Variants in CASP10 observed in about 807,000 individuals in gnomAD.
CASP10 encodes the protein caspase-10.
CASP10 carries 41 observed loss-of-function variants against 48.5 expected under a neutral mutation model. The observed-to-expected ratio is 0.85, with a 90% confidence interval of 0.66 to 1.10. The LOEUF (loss-of-function observed/expected upper bound fraction) is 1.10. Ranked by LOEUF, CASP10 falls within the 50% of genes least tolerant of loss-of-function variation. The pLI is 0.00. For synonymous variants in CASP10, 232 were observed against 238.4 expected (o/e 0.97, Z 0.25); for missense variants, 614 against 614.5 (o/e 1.00, Z 0.01).
chr2:201,205,822 C>A, intron 6 of CASP10, 60 bp from the exon 7 acceptor site: 3 of 1,014,770 alleles, frequency 3.0e-6, no homozygotes, highest in Non-Finnish European at 4.7e-6. Flanking sequence ...CGAAAATTAT[C>A]AGTGAAGAAA....
At chr2:201,208,210 A>T in intron 8 of CASP10, 27 bp downstream of exon 8, 1 of 1,592,130 alleles carries the variant, frequency 6.3e-7, no homozygotes, top group East Asian at 2.2e-5. Context: ...CAGTTTATCA[A>T]ATGCAAATTG....
Position 201,209,414 on chromosome 2 carries a change from C to T in CASP10, c.1267C>T (p.Pro423Ser), listed in dbSNP as rs374332152. The T allele has an allele frequency of 1.2e-6, 2 of 1,614,018 alleles. No homozygotes were observed. Among genetic ancestry groups the T allele is most frequent in the African/African-American group, 2.7e-5 (2 of 74,906 alleles). The change falls in exon 9 of 10, where the codon CCC becomes TCC. Residue 423 changes from proline to serine, a missense_variant. By Grantham distance (74) the Pro-to-Ser change is moderately conservative. Coordinates refer to ENST00000286186, the MANE Select transcript of CASP10 (RefSeq NM_032977.4). Reference protein sequence around the residue: ...EADALNPEQAPTSLQDSIPAE... With the variant: ...EADALNPEQASTSLQDSIPAE... The stretch of plus-strand genomic sequence containing the variant: ...AGATGCTCTGAACCCTGAGCAGGCA[C>T]CCACTTCCCTGCAGGACAGTATTCC...
intron 3 of CASP10, 140 bp from the exon 4 acceptor site, chr2:201,192,843 AT>A (rs1318815137): frequency 7.5e-6 from 6 of 795,316 alleles, no homozygotes; most frequent in African/African-American, 1.7e-5. Flanking sequence ...CTTCCCCTAC[AT>A]TCCTGAGCAA....
In CASP10 at chr2:201,228,628, A is replaced by G. The variant is rs13406910; in HGVS notation, c.1416-305A>G. ...CAGAAAATCAAGGCCCAGAGAAACT[A>G]AGTAGTCTTGGAGATAGGAGCCATG... On this transcript the variant is annotated intron_variant, in intron 9 of 9. Coordinates refer to the CASP10 transcript ENST00000272879. Among the ~76,000 whole-genome samples the G allele has an allele frequency of 0.06, 9,202 of 152,278 alleles. 911 individuals carry two copies. Among genetic ancestry groups the G allele is most frequent in the African/African-American group, 0.21 (8,684 of 41,530 alleles).
chr2:201,200,997 T>C (rs556309133), intron 5 of CASP10, among the ~76,000 whole-genome samples: 6 of 152,230 alleles, frequency 3.9e-5, no homozygotes, highest in Admixed American at 1.3e-4. Context: ...CAGCTTTGTT[T>C]AGAGAGTTGC....
chr2:201,219,778 T>C lies in CASP10; in HGVS notation c.*2037T>C. Reference sequence around the variant, plus strand: ...ATTCCTGGAACTGTATTTTGAATCCTTAAAGGTGAGCCCTCATAGGGAGAT... The same window carrying C: ...ATTCCTGGAACTGTATTTTGAATCCCTAAAGGTGAGCCCTCATAGGGAGAT... On this transcript the variant is annotated 3_prime_UTR_variant, in exon 10 of 10. Coordinates refer to ENST00000286186, the MANE Select transcript of CASP10 (RefSeq NM_032977.4). 1 of 984,036 alleles carries C rather than the reference T, an allele frequency of 1.0e-6. No individual in the cohort carries two copies. Among genetic ancestry groups the C allele is most frequent in the Non-Finnish European group, 1.2e-6 (1 of 829,622 alleles). The allele number at this position is 984,036 out of a possible 1,614,324, so 61.0% of individuals were successfully genotyped here.
chr2:201,208,177 G>GA lies in CASP10; in HGVS notation c.917dup (p.Asp306GlufsTer3), dbSNP rs769651296. The GA allele has an allele frequency of 9.9e-6, 16 of 1,612,488 alleles. 1 individual carries two copies. The South Asian group carries it at 1.8e-4, about 18-fold the overall frequency. On this transcript the variant is annotated frameshift_variant, in exon 8 of 10. Coordinates refer to ENST00000286186, the MANE Select transcript of CASP10 (RefSeq NM_032977.4). LOFTEE classifies it high-confidence loss of function. ...GAAGGACAGACAAGGAACCCATAAA[G>GA]ATGCTGGTAAGAAAGTCTGGAACAG...
intron 5 of CASP10, among the ~76,000 whole-genome samples, chr2:201,202,088 G>A (rs1214155007): frequency 1.3e-5 from 2 of 151,932 alleles, no homozygotes; most frequent in Admixed American, 6.6e-5. Context: ...CTGACCTCAG[G>A]TGATCCACCT....
chr2:201,197,469 G>T (rs78828999), intron 5 of CASP10, among the ~76,000 whole-genome samples: 1 of 152,164 alleles, frequency 6.6e-6, no homozygotes, highest in Non-Finnish European at 1.5e-5. Flanking sequence ...ACCAAAATTA[G>T]CTGGGCGTGG....
exon 10 of CASP10, chr2:201,228,983 C>G (rs747059297): frequency 6.2e-7 from 1 of 1,614,082 alleles, no homozygotes; most frequent in Admixed American, 1.7e-5. Flanking sequence ...AGGAAGAGAA[C>G]AGTGTGGGGT....
Position 201,208,200 on chromosome 2 carries a change from C to T in CASP10, c.922+17C>T, listed in dbSNP as rs760814428. On this transcript the variant is annotated intron_variant, in intron 8 of 9. Coordinates refer to ENST00000286186, the MANE Select transcript of CASP10 (RefSeq NM_032977.4). ...AAGATGCTGGTAAGAAAGTCTGGAA[C>T]AGTTTATCAAATGCAAATTGGGGAT... 1 of 1,595,178 alleles carries T rather than the reference C, an allele frequency of 6.3e-7. No homozygotes were observed. Among genetic ancestry groups the T allele is most frequent in the East Asian group, 2.2e-5 (1 of 44,760 alleles).
chr2:201,201,125 A>G lies in CASP10; in HGVS notation c.685-2605A>G, dbSNP rs41487752. ...CAGGCTGGAGTGCAATCTCAGCTCA[A>G]TGCAACCTCAGCCTCCCGGGTTCAA... On this transcript the variant is annotated intron_variant, in intron 5 of 9. Transcript: ENST00000286186. Among the ~76,000 whole-genome samples, 878 of 152,070 alleles carry G rather than the reference A, an allele frequency of 5.8e-3. 8 individuals are homozygous for G. Among genetic ancestry groups the G allele is most frequent in the African/African-American group, 0.019 (805 of 41,490 alleles).
rs147066848 is a variant in CASP10 at position 201,187,922 on chromosome 2, G to A, written c.441+123G>A. ...GGAGACAGTATCATACAATGGTTAC[G>A]AACATTGGCTTTGGTGCTGGATGAG... is the stretch of plus-strand genomic sequence containing the variant. On this transcript the variant is annotated intron_variant, in intron 3 of 9. Transcript: ENST00000286186. 7.8e-4 allele frequency: 592 copies of A among 756,266 alleles called. 3 individuals carry two copies. The East Asian group carries it at 0.015, about 19-fold the overall frequency. The allele number at this position is 756,266 out of a possible 1,614,324, so 46.8% of individuals were successfully genotyped here. A position where few individuals can be genotyped will look rare whatever the true frequency, so the allele number is the denominator to read the frequency against.
At chr2:201,229,048 C>G in exon 10 of CASP10, 1 of 1,614,208 alleles carries the variant, frequency 6.2e-7, no homozygotes, top group Non-Finnish European at 8.5e-7. Flanking sequence ...GCAGACACCT[C>G]GACCCCCCAT....
At chr2:201,228,892 T>G in intron 9 of CASP10, 2 of 1,602,240 alleles carry the variant, frequency 1.2e-6, no homozygotes, top group Non-Finnish European at 1.7e-6. Flanking sequence ...GAAAAACCAC[T>G]CAGTCAAAGT....
intron 3 of CASP10, among the ~76,000 whole-genome samples, chr2:201,189,660 A>G (rs562007359): frequency 6.6e-6 from 1 of 152,244 alleles, no homozygotes; most frequent in South Asian, 2.1e-4. Context: ...GGATTTAAAC[A>G]TATGTGAGGT....
In CASP10 at chr2:201,193,177, G is replaced by A. The variant is rs1944670800; in HGVS notation, c.577+58G>A. ...ACCATGGAAATTCTTAAACCAATTG[G>A]CCATGCATGATGTTTTGATTATTTG... On this transcript the variant is annotated intron_variant, in intron 4 of 9. Coordinates refer to ENST00000286186, the MANE Select transcript of CASP10 (RefSeq NM_032977.4). 4.6e-6 allele frequency: 7 copies of A among 1,530,020 alleles called. No homozygotes were observed. The Admixed American group carries it at 1.0e-4, about 22-fold the overall frequency. The allele number at this position is 1,530,020 out of a possible 1,614,324, so 94.8% of individuals were successfully genotyped here. A position where few individuals can be genotyped will look rare whatever the true frequency, so the allele number is the denominator to read the frequency against.
In CASP10 at chr2:201,219,253, G is replaced by A. The variant is rs762716655; in HGVS notation, c.*1512G>A. 3.7e-5 allele frequency: 8 copies of A among 215,272 alleles called. No individual in the cohort carries two copies. Among genetic ancestry groups the A allele is most frequent in the Non-Finnish European group, 6.4e-5 (8 of 125,872 alleles). 13.3% of individuals were successfully genotyped at this position (215,272 alleles called of 1,614,324 possible). A position where few individuals can be genotyped will look rare whatever the true frequency, so the allele number is the denominator to read the frequency against. On this transcript the variant is annotated 3_prime_UTR_variant, in exon 10 of 10. Transcript: ENST00000286186. ...CAACTGCACTCCAGCTTGGGCAACA[G>A]GGCGAGACCTTGTTTAAAAAAAAAA...
At position 201,209,387 on chromosome 2, in the gene CASP10, G is replaced by GC. The variant is rs1388894688; in HGVS notation, c.1241dup (p.Asp415ArgfsTer6). The GC allele has an allele frequency of 6.2e-7, 1 of 1,614,112 alleles. No homozygotes were observed. The highest frequency in any genetic ancestry group is 2.2e-5 in the East Asian group (1 of 44,868). On this transcript the variant is annotated frameshift_variant, in exon 9 of 10. Coordinates refer to ENST00000286186, the MANE Select transcript of CASP10 (RefSeq NM_032977.4). LOFTEE classifies it high-confidence loss of function. Reference sequence around the variant, plus strand: ...GATACAGCCTTCCGTATCCATCGAAGCAGATGCTCTGAACCCTGAGCAGGC... The same window carrying GC: ...GATACAGCCTTCCGTATCCATCGAAGCCAGATGCTCTGAACCCTGAGCAGGC...
Sources: allele counts gnomAD v4.1 joint callset (sites outside exome capture counted in the v4.1 genomes callset), GRCh38; gene constraint gnomAD v4.1.1; transcripts MANE v1.5; gene names NCBI Gene and HGNC (gene_info 2026-07-23, HGNC 2026-07-21).